Variants in MCM3 observed in about 807,000 individuals in gnomAD.
MCM3 encodes DNA replication licensing factor MCM3.
Under a neutral mutation model 91.3 loss-of-function variants are expected in MCM3, and 59 were observed. The ratio of observed to expected loss-of-function variants is 0.65; its 90% CI spans 0.52 to 0.80. The LOEUF (loss-of-function observed/expected upper bound fraction) is 0.80, where lower values mean the gene tolerates loss of function less well. Among genes scored for constraint, MCM3 ranks in the 30% least tolerant of loss-of-function variants. The pLI is 0.00. For missense variants in MCM3, 919 were observed against 1,035.4 expected, an observed-to-expected ratio of 0.89 and a Z score of 1.54; for synonymous variants, 383 against 379.6, an observed-to-expected ratio of 1.01 and a Z score of -0.10.
chr6:52,271,576 A>C (rs1765131037), intron 12 of MCM3, among the ~76,000 whole-genome samples: 1 of 152,192 alleles, frequency 6.6e-6, no homozygotes, highest in African/African-American at 2.4e-5. Flanking sequence ...AGGGAGGTGG[A>C]GATTGCAGTG....
intron 12 of MCM3, among the ~76,000 whole-genome samples, chr6:52,272,008 G>A (rs1765177476): frequency 6.6e-6 from 1 of 152,154 alleles, no homozygotes; most frequent in Non-Finnish European, 1.5e-5. Context: ...ATTTTACATT[G>A]CTTGTAAGAG....
rs770883553 is a variant in MCM3, at chr6:52,273,814, G to T, written c.1477C>A (p.Gln493Lys). 4 of 1,614,090 alleles carry T rather than the reference G, an allele frequency of 2.5e-6. No individual in the cohort carries two copies. The highest frequency in any genetic ancestry group is 3.4e-6 in the Non-Finnish European group (4 of 1,180,000). The change falls in exon 10 of 17, where the codon CAG becomes AAG. Residue 493 changes from glutamine to lysine, a missense_variant. This residue lies in a region of MCM3 where 233 missense variants were observed against 321.2 expected (regional missense o/e 0.73). Coordinates refer to ENST00000596288, the MANE Select transcript of MCM3 (RefSeq NM_002388.6). ...ACATGGTCTGAGATCTCCCGATCCTGCTCAGGATCCATCTGATCCAGCATG... is the reference window on the plus strand; with the variant it reads ...ACATGGTCTGAGATCTCCCGATCCTTCTCAGGATCCATCTGATCCAGCATG... ...FIMLDQMDPEQDREISDHVLR... is the reference protein window; with the variant it reads ...FIMLDQMDPEKDREISDHVLR...
At position 52,264,470 on chromosome 6, in the gene MCM3, G is replaced by A. The variant is rs1427673762; in HGVS notation, c.*118C>T. Reference sequence around the variant, plus strand: ...CTCAGCTTCATCACCAACATTCCTCGCCTTCAGTTGAATTCAACACTGTTA... The same window carrying A: ...CTCAGCTTCATCACCAACATTCCTCACCTTCAGTTGAATTCAACACTGTTA... On this transcript the variant is annotated 3_prime_UTR_variant, in exon 17 of 17. Transcript: ENST00000596288. The A allele has an allele frequency of 1.3e-5, 14 of 1,096,618 alleles. No individual in the cohort carries two copies. The highest frequency in any genetic ancestry group is 2.9e-5 in the South Asian group (2 of 68,606). The allele number at this position is 1,096,618 out of a possible 1,614,324, so 67.9% of individuals were successfully genotyped here. A position where few individuals can be genotyped will look rare whatever the true frequency, so the allele number is the denominator to read the frequency against.
intron 4 of MCM3, 141 bp from the exon 5 acceptor site, chr6:52,279,740 T>C: frequency 1.5e-6 from 1 of 659,626 alleles, no homozygotes; most frequent in Non-Finnish European, 2.6e-6. Context: ...CTCTAGCTTT[T>C]TGTGTTCCTG....
chr6:52,284,081 T>C (rs1014508118), intron 1 of MCM3, among the ~76,000 whole-genome samples: 1 of 152,242 alleles, frequency 6.6e-6, no homozygotes, highest in Non-Finnish European at 1.5e-5. Flanking sequence ...GCTTTAAGTC[T>C]TGGGTTGCAC....
At chr6:52,281,067 A>C (rs1766050888) in intron 4 of MCM3, among the ~76,000 whole-genome samples, 1 of 152,178 alleles carries the variant, frequency 6.6e-6, no homozygotes, top group Admixed American at 6.5e-5. Flanking sequence ...AGGGGAGGAG[A>C]GGAATTGTTT....
intron 4 of MCM3, 142 bp from the exon 5 acceptor site, chr6:52,279,741 T>C: frequency 1.5e-6 from 1 of 655,668 alleles, no homozygotes; most frequent in Non-Finnish European, 2.6e-6. Context: ...TCTAGCTTTT[T>C]GTGTTCCTGT....
intron 16 of MCM3, chr6:52,265,365 C>A: frequency 3.0e-6 from 1 of 338,310 alleles, no homozygotes; most frequent in Non-Finnish European, 5.9e-6. Flanking sequence ...CCAGCCTGGG[C>A]AACATGGTGA....
At chr6:52,271,231 A>G (rs901729515) in intron 12 of MCM3, among the ~76,000 whole-genome samples, 20 of 152,216 alleles carry the variant, frequency 1.3e-4, no homozygotes, top group African/African-American at 4.6e-4. Flanking sequence ...AGGCTTGAGT[A>G]GATGATCTGG....
At position 52,278,817 on chromosome 6, in the gene MCM3, C is replaced by A. The variant is rs1562392997; in HGVS notation, c.804G>T (p.Met268Ile). 6.2e-7 allele frequency: 1 copy of A among 1,613,928 alleles called. No homozygotes were observed. Among genetic ancestry groups the A allele is most frequent in the South Asian group, 1.1e-5 (1 of 91,024 alleles). Residue 268 changes from methionine to isoleucine, a missense_variant, in exon 6 of 17, where the codon ATG becomes ATT. Coordinates refer to ENST00000596288, the MANE Select transcript of MCM3 (RefSeq NM_002388.6). ...TVLIACNVKQ[M>I]SKDAQPSFSA... ...AGAAAGAGGGCTGAGCATCCTTGCT[C>A]ATCTGCTTAACATTACAGGCAATCA... is the stretch of plus-strand genomic sequence containing the variant.
At chr6:52,275,676 C>T (rs892245463) in intron 9 of MCM3, among the ~76,000 whole-genome samples, 16 of 152,092 alleles carry the variant, frequency 1.1e-4, no homozygotes, top group South Asian at 2.1e-4. Context: ...CACTAAATAC[C>T]CATCAGATGG....
intron 10 of MCM3, 143 bp from the exon 11 acceptor site, chr6:52,273,499 TAAAG>T (rs1765304468): frequency 2.3e-6 from 2 of 884,694 alleles, no homozygotes; most frequent in Non-Finnish European, 3.4e-6. Context: ...AACCCACAAA[TAAAG>T]ATAGTGGAAC....
In MCM3 at chr6:52,272,312, C is replaced by T. The variant is rs1380534817; in HGVS notation, c.1816G>A (p.Asp606Asn). Reference protein sequence around the residue: ...RLRSQDSMSSDTARTSPVTAR... With the variant: ...RLRSQDSMSSNTARTSPVTAR... ...CCCCAGGCACTCACCCTGGCGGTGT[C>T]TGAGCTCATGCTATCCTGGCTGCGC... Residue 606 changes from aspartate to asparagine, a missense_variant, in exon 12 of 17, where the codon GAC becomes AAC. Physicochemically the swap from Asp to Asn is conservative, Grantham distance 23. Transcript: ENST00000596288. The T allele has an allele frequency of 6.2e-7, 1 of 1,614,052 alleles. No homozygotes were observed. The highest frequency in any genetic ancestry group is 8.5e-7 in the Non-Finnish European group (1 of 1,180,026).
In MCM3 at chr6:52,273,284, T is replaced by C; in HGVS notation, c.1622A>G (p.Asp541Gly). 1.2e-6 allele frequency: 2 copies of C among 1,614,246 alleles called. No homozygotes were observed. The highest frequency in any genetic ancestry group is 1.7e-6 in the Non-Finnish European group (2 of 1,180,030). ...DPNFSQEDQQ[D>G]TQIYEKHDNL... is the part of the protein sequence containing the mutation. Reference sequence around the variant, plus strand: ...GTCATGCTTCTCATAAATCTGGGTGTCCTGCTGATCTTCCTGGCTAAAGTT... The same window carrying C: ...GTCATGCTTCTCATAAATCTGGGTGCCCTGCTGATCTTCCTGGCTAAAGTT... The change falls in exon 11 of 17, where the codon GAC becomes GGC. Residue 541 changes from aspartate (D) to glycine (G), a missense_variant. Transcript: ENST00000596288.
chr6:52,279,306 A>G, intron 5 of MCM3, 55 bp downstream of exon 5: 2 of 1,437,676 alleles, frequency 1.4e-6, no homozygotes, highest in Non-Finnish European at 1.9e-6. Context: ...AAAGGATATT[A>G]CCAGAAATGG....
At chr6:52,268,120 C>T (rs1449698334) in intron 13 of MCM3, 152 bp from the exon 14 acceptor site, 1 of 1,018,882 alleles carries the variant, frequency 9.8e-7, no homozygotes, top group Non-Finnish European at 1.5e-6. Context: ...GTCCCAGGAC[C>T]AGGGGCAGAA....
intron 9 of MCM3, chr6:52,276,010 C>T (rs1264926591): frequency 2.8e-5 from 12 of 427,698 alleles, no homozygotes; most frequent in African/African-American, 1.0e-4. Context: ...ATTTAATGGA[C>T]GGTTAAATAT....
At chr6:52,269,775 G>A (rs1044478745) in intron 12 of MCM3, among the ~76,000 whole-genome samples, 9 of 152,202 alleles carry the variant, frequency 5.9e-5, no homozygotes, top group Admixed American at 5.9e-4. Flanking sequence ...TCTCACAGGG[G>A]CCGATGAATA....
intron 9 of MCM3, among the ~76,000 whole-genome samples, chr6:52,274,448 G>A (rs6924383): frequency 0.011 from 1,739 of 152,248 alleles, 27 homozygotes; most frequent in African/African-American, 0.039. Context: ...GGGAGTCTGA[G>A]GCAGGTGGAC....
Sources: gnomAD v4.1 joint callset for allele counts (sites outside exome capture counted in the v4.1 genomes callset) on GRCh38, gnomAD v4.1.1 for gene constraint, gnomAD v4.1.1 regional missense constraint, MANE v1.5 for transcripts, NCBI Gene and HGNC (gene_info 2026-07-23, HGNC 2026-07-21) for gene names.